The following ARID5A variants were observed in gnomAD, a reference collection of about 807,000 sequenced individuals.
ARID5A encodes the protein AT-rich interactive domain-containing protein 5A.
In ARID5A, 14 loss-of-function variants were observed where a neutral mutation model predicts 30.5. The observed-to-expected ratio is 0.46, with a 90% CI of 0.30 to 0.72. The LOEUF (loss-of-function observed/expected upper bound fraction) is 0.72. Ranked by LOEUF, ARID5A falls within the 30% of genes least tolerant of loss-of-function variation. The pLI is 0.07. For synonymous variants in ARID5A, 338 were observed against 340.4 expected (o/e 0.99, Z 0.08); for missense variants, 669 against 786.2 (o/e 0.85, Z 1.78).
intron 1 of ARID5A, among the ~76,000 whole-genome samples, chr2:96,543,125 T>G (rs2065872984): frequency 6.6e-6 from 1 of 152,186 alleles, no homozygotes; most frequent in Non-Finnish European, 1.5e-5. Context: ...TAGGACTGGT[T>G]TCTCTCCAGG....
In ARID5A at chr2:96,552,157, C is replaced by T; in HGVS notation, c.1629C>T (p.Gly543=). ...AFPAHFLATA[G]PSPMAAGLMH... is the part of the protein sequence containing the mutation. ...CGGCCCACTTCCTGGCCACCGCAGG[C>T]CCCTCGCCCATGGCCGCTGGCCTGA... Residue 543 remains glycine, a synonymous_variant, in exon 7 of 7, where the codon GGC becomes GGT. Transcript: ENST00000357485. 1 of 1,613,136 alleles carries T rather than the reference C, an allele frequency of 6.2e-7. No homozygotes were observed. The highest frequency in any genetic ancestry group is 8.5e-7 in the Non-Finnish European group (1 of 1,179,976).
At position 96,552,164 on chromosome 2, in the gene ARID5A, C is replaced by G. The variant is rs552957961; in HGVS notation, c.1636C>G (p.Pro546Ala). The G allele has an allele frequency of 1.9e-6, 3 of 1,613,280 alleles. No individual in the cohort carries two copies. In the Admixed American group the frequency reaches 5.0e-5, roughly 27 times the overall value. The change falls in exon 7 of 7, where the codon CCC becomes GCC. Residue 546 changes from proline to alanine, a missense_variant. Physicochemically the swap from Pro to Ala is conservative, Grantham distance 27 (BLOSUM62 -1). Around this residue, in one of 4 missense-constraint regions of ARID5A, gnomAD observed 548 missense variants for 577.4 expected, o/e 0.95. Coordinates refer to ENST00000357485, the MANE Select transcript of ARID5A (RefSeq NM_212481.3). ...AHFLATAGPS[P>A]MAAGLMHFPP... is the part of the protein sequence containing the mutation. The stretch of plus-strand genomic sequence containing the variant: ...CTTCCTGGCCACCGCAGGCCCCTCG[C>G]CCATGGCCGCTGGCCTGATGCACTT...
intron 1 of ARID5A, among the ~76,000 whole-genome samples, chr2:96,544,068 C>G (rs2104678303): frequency 6.6e-6 from 1 of 152,326 alleles, no homozygotes; most frequent in Admixed American, 6.5e-5. Context: ...CAGACCAAGG[C>G]TCTAAATCTC....
intron 2 of ARID5A, 70 bp downstream of exon 2, chr2:96,547,587 G>A (rs1307770463): frequency 2.1e-6 from 3 of 1,445,990 alleles, no homozygotes; most frequent in Non-Finnish European, 2.9e-6. Flanking sequence ...TCCGCCTCCA[G>A]GTGAACCTGG....
chr2:96,550,032 A>G lies in ARID5A; in HGVS notation c.313-156A>G, dbSNP rs1034349247. On this transcript the variant is annotated intron_variant, in intron 4 of 6. Transcript: ENST00000357485. The surrounding 1 kb of genome is among the most constrained non-coding windows in gnomAD (Gnocchi z 6.6). Reference sequence around the variant, plus strand: ...GGAAAACTGCTTGGGCCAGCAGTCCATGGCCCTAGGAGAGAGAATCGGCTG... The same window carrying G: ...GGAAAACTGCTTGGGCCAGCAGTCCGTGGCCCTAGGAGAGAGAATCGGCTG... The G allele has an allele frequency of 8.5e-6, 13 of 1,533,334 alleles. No individual in the cohort carries two copies. The highest frequency in any genetic ancestry group is 3.9e-5 in the Admixed American group (2 of 50,930). The allele number at this position is 1,533,334 out of a possible 1,614,324, so 95.0% of individuals were successfully genotyped here. A position where few individuals can be genotyped will look rare whatever the true frequency, so the allele number is the denominator to read the frequency against.
At chr2:96,545,799 C>CA (rs1211688035) in intron 1 of ARID5A, among the ~76,000 whole-genome samples, 1 of 151,842 alleles carries the variant, frequency 6.6e-6, no homozygotes, top group Non-Finnish European at 1.5e-5. Context: ...ACTAAAAATA[C>CA]AAAAATTAGC....
intron 1 of ARID5A, 68 bp downstream of exon 1, chr2:96,536,898 C>T (rs1311936614): frequency 8.2e-7 from 1 of 1,223,202 alleles, no homozygotes; most frequent in Non-Finnish European, 1.0e-6. Context: ...AAGGTGCCGG[C>T]GCCGGGTCCC....
chr2:96,551,824 G>A lies in ARID5A; in HGVS notation c.1296G>A (p.Pro432=), dbSNP rs940372901. 9.4e-6 allele frequency: 15 copies of A among 1,596,166 alleles called. No homozygotes were observed. The highest frequency in any genetic ancestry group is 2.7e-5 in the African/African-American group (2 of 73,984). Reference sequence around the variant, plus strand: ...TCCCAGCCGAGAGCCCCACGCTCCCGCCCACCTTCCCCAGTAGCCCAGGCC... The same window carrying A: ...TCCCAGCCGAGAGCCCCACGCTCCCACCCACCTTCCCCAGTAGCCCAGGCC... ...AKVPAESPTL[P]PTFPSSPGLG... is the part of the protein sequence containing the mutation. The change falls in exon 7 of 7, where the codon CCG becomes CCA. Residue 432 remains proline (P), a synonymous_variant. Coordinates refer to ENST00000357485, the MANE Select transcript of ARID5A (RefSeq NM_212481.3).
chr2:96,552,614 A>C lies in ARID5A; in HGVS notation c.*301A>C. ...AGGTTGCCCACGGAAAATCCAATAAAAAGACACCAGTGTGAATCCACGTAG... is the reference window on the plus strand; with the variant it reads ...AGGTTGCCCACGGAAAATCCAATAACAAGACACCAGTGTGAATCCACGTAG... On this transcript the variant is annotated 3_prime_UTR_variant, in exon 7 of 7. Coordinates refer to ENST00000357485, the MANE Select transcript of ARID5A (RefSeq NM_212481.3). 7.0e-7 allele frequency: 1 copy of C among 1,426,154 alleles called. No homozygotes were observed. The highest frequency in any genetic ancestry group is 9.2e-7 in the Non-Finnish European group (1 of 1,085,350). The allele number at this position is 1,426,154 out of a possible 1,614,324, so 88.3% of individuals were successfully genotyped here.
chr2:96,543,440 G>A (rs1298720678), intron 1 of ARID5A, among the ~76,000 whole-genome samples: 1 of 151,832 alleles, frequency 6.6e-6, no homozygotes, highest in Non-Finnish European at 1.5e-5. Context: ...TTTTTTAACA[G>A]CACGTGCTCA....
At chr2:96,538,019 G>T in intron 1 of ARID5A, 1 of 985,548 alleles carries the variant, frequency 1.0e-6, no homozygotes, top group Non-Finnish European at 1.2e-6. Flanking sequence ...CACAGGAGGG[G>T]TGGGAGGTCG....
chr2:96,542,285 G>A (rs2065859863), intron 1 of ARID5A, among the ~76,000 whole-genome samples: 1 of 152,216 alleles, frequency 6.6e-6, no homozygotes, highest in South Asian at 2.1e-4. Context: ...GAGGGCCCTG[G>A]CAGGACAGAG....
chr2:96,552,202 C>A lies in ARID5A; in HGVS notation c.1674C>A (p.Ser558=). The A allele has an allele frequency of 6.2e-7, 1 of 1,613,562 alleles. No individual in the cohort carries two copies. Among genetic ancestry groups the A allele is most frequent in the Non-Finnish European group, 8.5e-7 (1 of 1,180,024 alleles). The change falls in exon 7 of 7, where the codon TCC becomes TCA. Residue 558 remains serine, a synonymous_variant. Transcript: ENST00000357485. ...AAGLMHFPPT[S]FDSALRHRLC... The stretch of plus-strand genomic sequence containing the variant: ...GCCTGATGCACTTCCCCCCAACGTC[C>A]TTCGACAGTGCCCTCCGCCACAGAC...
intron 1 of ARID5A, among the ~76,000 whole-genome samples, chr2:96,546,168 C>G (rs961828297): frequency 6.6e-6 from 1 of 152,154 alleles, no homozygotes; most frequent in East Asian, 1.9e-4. Flanking sequence ...CCCTGGCTTA[C>G]GCTGGTTTGG....
At chr2:96,548,749 G>A (rs7599131) in intron 2 of ARID5A, among the ~76,000 whole-genome samples, 173 of 152,306 alleles carry the variant, frequency 1.1e-3, no homozygotes, top group African/African-American at 4.0e-3. Context: ...CAAAAGTCCT[G>A]TGCCCCTGAC....
chr2:96,545,995 T>C (rs545853642), intron 1 of ARID5A, among the ~76,000 whole-genome samples: 2 of 150,812 alleles, frequency 1.3e-5, no homozygotes, highest in Admixed American at 1.3e-4. Context: ...AACTTCATTG[T>C]TGTCTTATTT....
rs762113269 is a variant in ARID5A, at chr2:96,550,628, C to T, written c.465C>T (p.Pro155=). The change falls in exon 6 of 7, where the codon CCC becomes CCT. Residue 155 remains proline, a synonymous_variant. Transcript: ENST00000357485. The surrounding 1 kb of genome is among the most constrained non-coding windows in gnomAD (Gnocchi z 6.6). ...HLKGEDDKPL[P]TSKPRKQYKM... is the part of the protein sequence containing the mutation. ...AGGGGGAGGATGACAAGCCGCTGCC[C>T]ACCTCCAAGCCCAGGAAACAGTACA... The T allele has an allele frequency of 6.8e-6, 11 of 1,608,002 alleles. No individual in the cohort carries two copies. The highest frequency in any genetic ancestry group is 1.3e-5 in the African/African-American group (1 of 74,918).
In ARID5A at chr2:96,537,776, C is replaced by G. The variant is rs1160094433; in HGVS notation, c.4+946C>G. 1 of 847,230 alleles carries G rather than the reference C, an allele frequency of 1.2e-6. No individual in the cohort carries two copies. Among genetic ancestry groups the G allele is most frequent in the African/African-American group, 1.8e-5 (1 of 54,478 alleles). The allele number at this position is 847,230 out of a possible 1,614,324, so 52.5% of individuals were successfully genotyped here. A position where few individuals can be genotyped will look rare whatever the true frequency, so the allele number is the denominator to read the frequency against. On this transcript the variant is annotated intron_variant, in intron 1 of 6. Coordinates refer to ENST00000357485, the MANE Select transcript of ARID5A (RefSeq NM_212481.3). The surrounding 1 kb of genome is among the most constrained non-coding windows in gnomAD (Gnocchi z 4.8). ...GGTCGCCCGGGCTGGGGTCGCGTCACCCTCCGCCCAGCGCCGGCGTGGTGG... is the reference window on the plus strand; with the variant it reads ...GGTCGCCCGGGCTGGGGTCGCGTCAGCCTCCGCCCAGCGCCGGCGTGGTGG...
Position 96,551,721 on chromosome 2 carries a change from C to T in ARID5A, c.1193C>T (p.Ala398Val), listed in dbSNP as rs372731846. 26 of 1,518,852 alleles carry T rather than the reference C, an allele frequency of 1.7e-5. No individual in the cohort carries two copies. The highest frequency in any genetic ancestry group is 1.1e-4 in the Admixed American group (5 of 44,224). 94.1% of individuals were successfully genotyped at this position (1,518,852 alleles called of 1,614,324 possible). Residue 398 changes from alanine (A) to valine (V), a missense_variant, in exon 7 of 7, where the codon GCG becomes GTG. This residue lies in a region of ARID5A where 548 missense variants were observed against 577.4 expected (regional missense o/e 0.95). Transcript: ENST00000357485. ...GGCGGAGACGCTAACCGCCCTTCTG[C>T]GTTCCATAAAGGTGGCTCCAGAAAG... ...VWGGDANRPS[A>V]FHKGGSRKGI...
Sources: allele counts gnomAD v4.1 joint callset (sites outside exome capture counted in the v4.1 genomes callset), GRCh38; gene constraint gnomAD v4.1.1; regional missense constraint gnomAD v4.1.1; non-coding constraint Gnocchi (gnomAD v3.1); transcripts MANE v1.5; gene names NCBI Gene and HGNC (gene_info 2026-07-23, HGNC 2026-07-21).